Variants in OTOA observed in about 807,000 individuals in gnomAD.
OTOA encodes otoancorin, also known as cancer/testis antigen 108.
A neutral mutation model predicts 110.8 loss-of-function variants in OTOA; 70 were observed. That is an observed-to-expected ratio of 0.63 (90% CI 0.52 to 0.77). OTOA has a LOEUF of 0.77. Ranked by LOEUF, OTOA falls within the 30% of genes least tolerant of loss-of-function variation. The pLI is 0.00. For missense variants in OTOA, 917 were observed against 1,075.8 expected (o/e 0.85, Z 2.06); for synonymous variants, 373 against 431.5 (o/e 0.86, Z 1.68).
rs527285911 is a variant in OTOA at position 21,752,119 on chromosome 16, T to TCATCCATC, written c.2918+85_2918+92dup. 1,064 of 163,418 alleles carry TCATCCATC rather than the reference T, an allele frequency of 6.5e-3. 55 individuals carry two copies. Among genetic ancestry groups the TCATCCATC allele is most frequent in the African/African-American group, 0.025 (361 of 14,610 alleles). The allele number at this position is 163,418 out of a possible 1,614,324, so 10.1% of individuals were successfully genotyped here. On this transcript the variant is annotated intron_variant, in intron 25 of 28. Coordinates refer to ENST00000646100, the MANE Select transcript of OTOA (RefSeq NM_144672.4). ...TGTGCAAAATGGCAAATGGGTTAAT[T>TCATCCATC]CATCCATCCATCCATCCATCCATCC... is the stretch of plus-strand genomic sequence containing the variant.
intron 6 of OTOA, among the ~76,000 whole-genome samples, chr16:21,683,472 T>A (rs892442163): frequency 5.9e-5 from 9 of 152,078 alleles, no homozygotes; most frequent in Admixed American, 1.3e-4. Context: ...GTGGGAGGAT[T>A]GCTTGATACC....
chr16:21,703,697 C>T (rs1472730657), intron 11 of OTOA, among the ~76,000 whole-genome samples: 1 of 152,176 alleles, frequency 6.6e-6, no homozygotes, highest in Admixed American at 6.5e-5. Context: ...GACCTGGCAG[C>T]TCTCCTGTGG....
At chr16:21,730,212 C>G (rs1291667347) in intron 20 of OTOA, 1 of 155,288 alleles carries the variant, frequency 6.4e-6, no homozygotes, top group Non-Finnish European at 1.4e-5. Flanking sequence ...ACAAGAATAA[C>G]AGTGGATTCT....
intron 1 of OTOA, among the ~76,000 whole-genome samples, chr16:21,672,579 C>A (rs1452217419): frequency 6.7e-6 from 1 of 149,548 alleles, no homozygotes; most frequent in Non-Finnish European, 1.5e-5. Context: ...GCCGAGATTG[C>A]GCCACTACAC....
intron 12 of OTOA, among the ~76,000 whole-genome samples, chr16:21,707,487 G>A (rs973948222): frequency 2.2e-4 from 33 of 152,046 alleles, no homozygotes; most frequent in South Asian, 1.5e-3. Flanking sequence ...GACTGGGGCC[G>A]GGGGATTGTT....
At chr16:21,672,361 G>A (rs1038661492) in intron 1 of OTOA, among the ~76,000 whole-genome samples, 1 of 151,930 alleles carries the variant, frequency 6.6e-6, no homozygotes, top group Admixed American at 6.6e-5. Flanking sequence ...GGTGGCTCAC[G>A]CCAGCAATCC....
rs529093451 is a variant in OTOA at position 21,680,268 on chromosome 16, C to T, written c.179+1057C>T. Among the ~76,000 whole-genome samples, 5 of 152,192 alleles carry T rather than the reference C, an allele frequency of 3.3e-5. No homozygotes were observed. The South Asian group carries it at 1.0e-3, about 32-fold the overall frequency. ...GTGGCTCATGCCTATAATTCCAGGA[C>T]TTTGAGAGGCCAAGGTGGGCGGATC... On this transcript the variant is annotated intron_variant, in intron 5 of 28. Transcript: ENST00000646100.
chr16:21,687,475 C>A lies in OTOA; in HGVS notation c.462C>A (p.Gly154=). The A allele has an allele frequency of 2.5e-6, 4 of 1,613,984 alleles. No individual in the cohort carries two copies. The highest frequency in any genetic ancestry group is 1.1e-5 in the South Asian group (1 of 91,072). Residue 154 remains glycine, a synonymous_variant, in exon 8 of 29, where the codon GGC becomes GGA. Transcript: ENST00000646100. ...EIRERALQSP[G]VNRSLFLITL... is the part of the protein sequence containing the mutation. ...GAGAACGAGCCTTGCAGAGCCCTGG[C>A]GTGAACCGCAGCCTGTTTCTCATCA...
intron 7 of OTOA, 107 bp from the exon 8 acceptor site, chr16:21,687,306 A>T: frequency 1.1e-6 from 1 of 906,422 alleles, no homozygotes; most frequent in Non-Finnish European, 1.8e-6. Context: ...GCATGGTGTT[A>T]AACAGTGATC....
At chr16:21,713,218 G>A (rs1324064858) in intron 13 of OTOA, among the ~76,000 whole-genome samples, 1 of 152,176 alleles carries the variant, frequency 6.6e-6, no homozygotes, top group East Asian at 1.9e-4. Flanking sequence ...ACTCGCCTTG[G>A]CCTCCCAAAG....
chr16:21,695,964 A>G (rs180959838), intron 9 of OTOA, among the ~76,000 whole-genome samples: 5 of 136,010 alleles, frequency 3.7e-5, no homozygotes, highest in African/African-American at 1.1e-4. Context: ...GTATGATCTC[A>G]GCTCACTGCA....
chr16:21,699,521 C>T (rs527679037), intron 10 of OTOA, among the ~76,000 whole-genome samples: 1 of 152,176 alleles, frequency 6.6e-6, no homozygotes, highest in Non-Finnish European at 1.5e-5. Context: ...CCTGAGGTCT[C>T]AGCTACTTGG....
intron 16 of OTOA, 49 bp from the exon 17 acceptor site, chr16:21,719,338 T>G: frequency 6.3e-7 from 1 of 1,586,574 alleles, no homozygotes; most frequent in Middle Eastern, 1.7e-4. Context: ...CTTTCTTTCC[T>G]CTCCTCCTCA....
At chr16:21,700,615 C>T (rs997018850) in intron 10 of OTOA, among the ~76,000 whole-genome samples, 6 of 151,636 alleles carry the variant, frequency 4.0e-5, no homozygotes, top group Non-Finnish European at 5.9e-5. Context: ...GTCCCAGCTA[C>T]TCCGGAGGCT....
In OTOA at chr16:21,687,496, C is replaced by T. The variant is rs756856872; in HGVS notation, c.483C>T (p.Leu161=). Residue 161 remains leucine (L), a synonymous_variant, in exon 8 of 29, where the codon CTC becomes CTT. Coordinates refer to ENST00000646100, the MANE Select transcript of OTOA (RefSeq NM_144672.4). ...QSPGVNRSLF[L]ITLERCFQML... is the part of the protein sequence containing the mutation. ...CTGGCGTGAACCGCAGCCTGTTTCT[C>T]ATCACACTGGAGAGGTGTTTCCAGA... 23 of 1,613,936 alleles carry T rather than the reference C, an allele frequency of 1.4e-5. No homozygotes were observed. The highest frequency in any genetic ancestry group is 1.7e-5 in the Non-Finnish European group (20 of 1,180,022).
intron 17 of OTOA, chr16:21,721,270 CACACACACAA>C (rs1178862974): frequency 4.6e-5 from 21 of 452,862 alleles, no homozygotes; most frequent in African/African-American, 2.6e-4. Context: ...CACACACACA[CACACACACAA>C]ACAACCAATA....
chr16:21,671,599 A>AC, intron 1 of OTOA, among the ~76,000 whole-genome samples: 1 of 146,026 alleles, frequency 6.8e-6, no homozygotes, highest in East Asian at 2.0e-4. Context: ...AAAAAAAAAA[A>AC]AGAAAAAAGA....
rs759414633 is a variant in OTOA at position 21,685,236 on chromosome 16, G to A, written c.274G>A (p.Val92Met). The A allele has an allele frequency of 4.3e-6, 7 of 1,611,542 alleles. No homozygotes were observed. The highest frequency in any genetic ancestry group is 1.7e-5 in the Admixed American group (1 of 59,938). ...AFTIPSLQAA[V>M]ENHLEQRLHQ... ...CCCAACACCCCAAATACAGGCAGCC[G>A]TGGAAAACCACCTGGAGCAGCGTCT... The change falls in exon 7 of 29, where the codon GTG (valine) becomes ATG (methionine). Residue 92 changes from valine to methionine, a missense_variant. Val to Met is a conservative substitution (Grantham distance 21). Transcript: ENST00000646100.
intron 20 of OTOA, among the ~76,000 whole-genome samples, chr16:21,729,055 A>G (rs908302999): frequency 2.0e-5 from 3 of 151,464 alleles, no homozygotes; most frequent in African/African-American, 7.3e-5. Context: ...TTTTTTTTAA[A>G]TGGGGTCTCG....
Sources: allele counts gnomAD v4.1 joint callset (sites outside exome capture counted in the v4.1 genomes callset), GRCh38; gene constraint gnomAD v4.1.1; transcripts MANE v1.5; gene names NCBI Gene and HGNC (gene_info 2026-07-23, HGNC 2026-07-21).